The following DNAJC18 variants were observed in gnomAD, a reference collection of about 807,000 sequenced individuals.
The protein encoded by DNAJC18 is dnaJ homolog subfamily C member 18.
In DNAJC18, 40 loss-of-function variants were observed where a neutral mutation model predicts 48.6. The ratio of observed to expected loss-of-function variants is 0.82; its 90% CI spans 0.64 to 1.07. The LOEUF (loss-of-function observed/expected upper bound fraction) is 1.07. Among genes scored for constraint, DNAJC18 ranks in the 50% least tolerant of loss-of-function variants. The pLI, the probability that DNAJC18 is intolerant of heterozygous loss-of-function variation, is 0.00. For missense variants in DNAJC18, 340 were observed against 427.7 expected (o/e 0.79, Z 1.81); for synonymous variants, 135 against 152.2 (o/e 0.89, Z 0.83).
intron 2 of DNAJC18, among the ~76,000 whole-genome samples, chr5:139,432,826 G>A (rs1759351572): frequency 6.6e-6 from 1 of 152,120 alleles, no homozygotes; most frequent in African/African-American, 2.4e-5. Flanking sequence ...TATATATAAT[G>A]GCAGCCCCCA....
chr5:139,420,422 G>T, intron 6 of DNAJC18, 197 bp from the exon 7 acceptor site: 1 of 534,928 alleles, frequency 1.9e-6, no homozygotes, highest in Non-Finnish European at 3.2e-6. Context: ...ATGTAAGCAA[G>T]TTCATACTAT....
intron 7 of DNAJC18, among the ~76,000 whole-genome samples, chr5:139,418,471 A>T (rs963643109): frequency 6.6e-6 from 1 of 152,184 alleles, no homozygotes; most frequent in African/African-American, 2.4e-5. Context: ...TGAGGCCTTT[A>T]TCCTGCTCTA....
chr5:139,426,746 G>A (rs1372258307), intron 3 of DNAJC18, among the ~76,000 whole-genome samples: 1 of 152,092 alleles, frequency 6.6e-6, no homozygotes, highest in Non-Finnish European at 1.5e-5. Flanking sequence ...AATGTGTTCT[G>A]GCCAGGTGCA....
rs147922196 is a variant in DNAJC18 at position 139,425,092 on chromosome 5, A to G, written c.582T>C (p.Asn194=). 8.7e-5 allele frequency: 140 copies of G among 1,612,370 alleles called. No individual in the cohort carries two copies. The highest frequency in any genetic ancestry group is 1.1e-4 in the Non-Finnish European group (132 of 1,178,822). ...GGTAATAGTAAGTGTCATCTGTCAC[A>G]TTTGAAAACATATGAATATTTCCTG... The part of the protein sequence containing the change: ...FPTGNIHMFS[N]VTDDTYYYRR... Residue 194 remains asparagine, a synonymous_variant, in exon 5 of 8, where the codon AAT becomes AAC. Coordinates refer to ENST00000302060, the MANE Select transcript of DNAJC18 (RefSeq NM_152686.4).
chr5:139,422,913 G>A, intron 5 of DNAJC18, 96 bp from the exon 6 acceptor site: 3 of 692,638 alleles, frequency 4.3e-6, no homozygotes, highest in Non-Finnish European at 4.5e-6. Context: ...TCGGCTCACT[G>A]CAAGCTCCGC....
intron 5 of DNAJC18, among the ~76,000 whole-genome samples, chr5:139,423,784 A>G (rs1286591751): frequency 6.6e-6 from 1 of 151,986 alleles, no homozygotes; most frequent in East Asian, 1.9e-4. Flanking sequence ...CTGAAATACT[A>G]CTGGTCCAAT....
intron 7 of DNAJC18, chr5:139,419,029 T>C (rs1232464758): frequency 4.8e-6 from 2 of 413,658 alleles, no homozygotes; most frequent in Non-Finnish European, 4.8e-6. Flanking sequence ...TGATGGTCAA[T>C]GAGGGCTTAG....
At chr5:139,430,328 C>A (rs1331574563) in intron 2 of DNAJC18, among the ~76,000 whole-genome samples, 1 of 152,166 alleles carries the variant, frequency 6.6e-6, no homozygotes, top group East Asian at 1.9e-4. Context: ...ACTTGCAGAC[C>A]TATCCCCTAA....
In DNAJC18 at chr5:139,426,229, C is replaced by T. The variant is rs373342160; in HGVS notation, c.502G>A (p.Ala168Thr). ...RPYNYYRDFE[A>T]DITPEELFNV... Reference sequence around the variant, plus strand: ...AACAGCTCTTCTGGAGTGATGTCAGCTTCAAAATCCCTGTAATAATTATAA... The same window carrying T: ...AACAGCTCTTCTGGAGTGATGTCAGTTTCAAAATCCCTGTAATAATTATAA... Residue 168 changes from alanine (A) to threonine (T), a missense_variant, in exon 4 of 8, where the codon GCT (alanine) becomes ACT (threonine). Transcript: ENST00000302060. 2.7e-4 allele frequency: 428 copies of T among 1,614,100 alleles called. No individual in the cohort carries two copies. Among genetic ancestry groups the T allele is most frequent in the Non-Finnish European group, 3.4e-4 (405 of 1,180,044 alleles).
Position 139,439,058 on chromosome 5 carries a change from C to A in DNAJC18, c.40+348G>T, listed in dbSNP as rs1173665856. On this transcript the variant is annotated intron_variant, in intron 1 of 7. Coordinates refer to ENST00000302060, the MANE Select transcript of DNAJC18 (RefSeq NM_152686.4). The surrounding 1 kb of genome is among the most constrained non-coding windows in gnomAD (Gnocchi z 4.1). ...CTGAAGGTCAGGTGGCCCAGTTAGGCGAAAGATAAGGGCCAGGTTAGCAAG... is the reference window on the plus strand; with the variant it reads ...CTGAAGGTCAGGTGGCCCAGTTAGGAGAAAGATAAGGGCCAGGTTAGCAAG... Among the ~76,000 whole-genome samples the A allele has an allele frequency of 1.3e-5, 2 of 152,138 alleles. No individual in the cohort carries two copies. The highest frequency in any genetic ancestry group is 4.8e-5 in the African/African-American group (2 of 41,430).
At position 139,439,200 on chromosome 5, in the gene DNAJC18, A is replaced by C; in HGVS notation, c.40+206T>G. Among the ~76,000 whole-genome samples, 1 of 151,742 alleles carries C rather than the reference A, an allele frequency of 6.6e-6. No homozygotes were observed. The highest frequency in any genetic ancestry group is 2.0e-4 in the East Asian group (1 of 5,122). On this transcript the variant is annotated intron_variant, in intron 1 of 7. Transcript: ENST00000302060. The surrounding 1 kb of genome is among the most constrained non-coding windows in gnomAD (Gnocchi z 4.1). ...GGGGCGGGGCTGGGGGCCGGAGGCAACAAGTCGTCACCGGTGACTCTGGGC... is the reference window on the plus strand; with the variant it reads ...GGGGCGGGGCTGGGGGCCGGAGGCACCAAGTCGTCACCGGTGACTCTGGGC...
intron 7 of DNAJC18, among the ~76,000 whole-genome samples, chr5:139,417,568 ATTT>A (rs762169642): frequency 7.0e-5 from 8 of 114,460 alleles, no homozygotes; most frequent in Admixed American, 1.8e-4. Flanking sequence ...TACTCACTGG[ATTT>A]TTTTTTTTTT....
intron 2 of DNAJC18, among the ~76,000 whole-genome samples, chr5:139,428,926 A>G (rs1477393449): frequency 2.0e-5 from 3 of 152,144 alleles, no homozygotes; most frequent in Non-Finnish European, 2.9e-5. Context: ...AAGTGAGTAG[A>G]ACAAGTATGC....
In DNAJC18 at chr5:139,420,151, T is replaced by C; in HGVS notation, c.854A>G (p.Lys285Arg). ...VPYFVDKNFD[K>R]AYRGASLHDL... ...ATGCAGAGAAGCTCCTCTGTAGGCC[T>C]TGTCAAAGTTTTTATCCACAAAGTA... The change falls in exon 7 of 8, where the codon AAG becomes AGG. Residue 285 changes from lysine to arginine, a missense_variant. Physicochemically the swap from Lys to Arg is conservative, Grantham distance 26. Coordinates refer to ENST00000302060, the MANE Select transcript of DNAJC18 (RefSeq NM_152686.4). The C allele has an allele frequency of 1.9e-6, 3 of 1,612,054 alleles. No homozygotes were observed. The highest frequency in any genetic ancestry group is 2.5e-6 in the Non-Finnish European group (3 of 1,179,468).
rs775639448 is a variant in DNAJC18 at position 139,425,047 on chromosome 5, C to T, written c.627G>A (p.Glu209=). The T allele has an allele frequency of 6.2e-7, 1 of 1,613,544 alleles. No individual in the cohort carries two copies. The change falls in exon 5 of 8, where the codon GAG becomes GAA. Residue 209 remains glutamate (E), a synonymous_variant. Transcript: ENST00000302060. The part of the protein sequence containing the change: ...TYYYRRRHRH[E]RTQTQKEEEE... ...CCTCCTCCTTCTGAGTCTGTGTCCT[C>T]TCATGTCGGTGCCGTCGACGGTAAT...
At position 139,430,192 on chromosome 5, in the gene DNAJC18, A is replaced by C. The variant is rs528899455; in HGVS notation, c.228-1509T>G. On this transcript the variant is annotated intron_variant, in intron 2 of 7. Transcript: ENST00000302060. ...CTACTATACCAGAAATGAAAACAAAAAATTTTTAAACAGTGATGATGTAAT... is the reference window on the plus strand; with the variant it reads ...CTACTATACCAGAAATGAAAACAAACAATTTTTAAACAGTGATGATGTAAT... Among the ~76,000 whole-genome samples, 234 of 152,364 alleles carry C rather than the reference A, an allele frequency of 1.5e-3. 2 individuals carry two copies. The highest frequency in any genetic ancestry group is 5.3e-3 in the African/African-American group (222 of 41,588).
At position 139,413,960 on chromosome 5, in the gene DNAJC18, TC is replaced by T. The variant is rs1712178261; in HGVS notation, c.*187del. Reference sequence around the variant, plus strand: ...AACTACTCCTGGTCCCTGGAGCCACTCCCCAGGAAGGATCCTGTGAAGACAC... The same window carrying T: ...AACTACTCCTGGTCCCTGGAGCCACTCCCAGGAAGGATCCTGTGAAGACAC... On this transcript the variant is annotated 3_prime_UTR_variant, in exon 8 of 8. Transcript: ENST00000302060. The T allele has an allele frequency of 1.6e-4, 125 of 759,170 alleles. No homozygotes were observed. In the South Asian group the frequency reaches 2.5e-3, roughly 15 times the overall value. The allele number at this position is 759,170 out of a possible 1,614,324, so 47.0% of individuals were successfully genotyped here.
rs1758989690 is a variant in DNAJC18 at position 139,411,260 on chromosome 5, T to C, written c.*2888A>G. The C allele has an allele frequency of 6.6e-6, 1 of 152,144 alleles. No homozygotes were observed. The highest frequency in any genetic ancestry group is 2.4e-5 in the African/African-American group (1 of 41,436). The allele number at this position is 152,144 out of a possible 1,614,324, so 9.4% of individuals were successfully genotyped here. On this transcript the variant is annotated 3_prime_UTR_variant, in exon 8 of 8. Transcript: ENST00000302060. ...TTCAAGCTCTTTGTGATGAGAAGGA[T>C]TTTCATCCTCCTTTTCTCACTGCCG... is the stretch of plus-strand genomic sequence containing the variant.
intron 5 of DNAJC18, among the ~76,000 whole-genome samples, chr5:139,424,064 T>C (rs1759197308): frequency 6.6e-6 from 1 of 152,116 alleles, no homozygotes; most frequent in African/African-American, 2.4e-5. Flanking sequence ...GGTAATCACG[T>C]TTTCTCTCCT....
Sources: gnomAD v4.1 joint callset for allele counts (sites outside exome capture counted in the v4.1 genomes callset) on GRCh38, gnomAD v4.1.1 for gene constraint, Gnocchi (gnomAD v3.1) non-coding constraint, MANE v1.5 for transcripts, NCBI Gene and HGNC (gene_info 2026-07-23, HGNC 2026-07-21) for gene names.